GPRASP3: variants seen among roughly 807,000 people sequenced by gnomAD.
GPRASP3 encodes G protein-coupled receptor associated sorting protein family member 3, also known as G protein-coupled receptor associated sorting protein 3.
At chrX:102,736,541 A>G in the GPRASP3 span, among the ~76,000 whole-genome samples, 1 of 111,978 alleles carries the variant, frequency 8.9e-6, no homozygotes, top group African/African-American at 3.2e-5. Context: ...GAAGGCAAAA[A>G]TGGATCCCCA....
At chrX:102,749,499 G>A in the GPRASP3 span, 1 of 1,212,072 alleles carries the variant, frequency 8.3e-7, no homozygotes, top group Non-Finnish European at 1.1e-6. Flanking sequence ...CTGAGGAGGA[G>A]GAGGAAGAGA....
chrX:102,742,094 G>T, the GPRASP3 span, among the ~76,000 whole-genome samples: 6 of 112,062 alleles, frequency 5.4e-5, no homozygotes, highest in Non-Finnish European at 5.6e-5. Context: ...GCTTGCTATT[G>T]CCCTCATCAT....
chrX:102,721,847 C>A, the GPRASP3 span, among the ~76,000 whole-genome samples: 2 of 111,297 alleles, frequency 1.8e-5, no homozygotes, highest in South Asian at 7.7e-4. Flanking sequence ...GGATGTGTTT[C>A]TTTGGTCCCA....
At chrX:102,743,228 G>T in the GPRASP3 span, among the ~76,000 whole-genome samples, 1 of 109,384 alleles carries the variant, frequency 9.1e-6, no homozygotes, top group African/African-American at 3.3e-5. Flanking sequence ...GGAATAGAAT[G>T]GGAGGCAGAT....
At chrX:102,747,584 G>A in the GPRASP3 span, 1 of 111,830 alleles carries the variant, frequency 8.9e-6, no homozygotes, top group Non-Finnish European at 1.9e-5. Context: ...TTTTGGTTCA[G>A]GAAAGGAGCT....
the GPRASP3 span, among the ~76,000 whole-genome samples, chrX:102,735,403 C>CTTTT: frequency 3.2e-5 from 3 of 94,495 alleles, no homozygotes; most frequent in African/African-American, 8.0e-5. Flanking sequence ...CACAGAATCT[C>CTTTT]TTTTTTTTTT....
chrX:102,721,933 C>T, the GPRASP3 span, among the ~76,000 whole-genome samples: 1 of 111,712 alleles, frequency 9.0e-6, no homozygotes, highest in African/African-American at 3.3e-5. Flanking sequence ...ACCCCATGCA[C>T]CCACTGGGTA....
the GPRASP3 span, among the ~76,000 whole-genome samples, chrX:102,731,706 G>GC: frequency 1.9e-3 from 212 of 111,518 alleles, 2 homozygotes; most frequent in African/African-American, 6.8e-3. Context: ...GCAACTTGAA[G>GC]GACAAGCACA....
At chrX:102,730,154 G>T in the GPRASP3 span, among the ~76,000 whole-genome samples, 1 of 112,276 alleles carries the variant, frequency 8.9e-6, no homozygotes, top group Non-Finnish European at 1.9e-5. Context: ...CCATCTTGGG[G>T]TGATGGGAGG....
the GPRASP3 span, among the ~76,000 whole-genome samples, chrX:102,743,123 T>C: frequency 9.0e-6 from 1 of 110,909 alleles, no homozygotes; most frequent in Non-Finnish European, 1.9e-5. Flanking sequence ...CTTTGAGCTC[T>C]GTCTGTCCTT....
chrX:102,728,669 G>A, the GPRASP3 span, among the ~76,000 whole-genome samples: 3 of 103,088 alleles, frequency 2.9e-5, no homozygotes, highest in East Asian at 9.2e-4. Flanking sequence ...CTCCCACCTT[G>A]GACTCCCAAA....
the GPRASP3 span, chrX:102,750,458 C>G: frequency 8.3e-7 from 1 of 1,208,102 alleles, no homozygotes; most frequent in Non-Finnish European, 1.1e-6. Context: ...AAGGCATTGG[C>G]AGCATTAAAA....
the GPRASP3 span, among the ~76,000 whole-genome samples, chrX:102,745,228 G>A: frequency 9.0e-6 from 1 of 111,307 alleles, no homozygotes; most frequent in Non-Finnish European, 1.9e-5. Context: ...ACAGGGAAAG[G>A]CCCTCTTTTG....
At chrX:102,751,002 A>C in the GPRASP3 span, 1 of 140,201 alleles carries the variant, frequency 7.1e-6, no homozygotes, top group African/African-American at 3.2e-5. Context: ...AACAGTACCT[A>C]GAGAGAGAGT....
At chrX:102,743,709 A>G in the GPRASP3 span, among the ~76,000 whole-genome samples, 27 of 103,643 alleles carry the variant, frequency 2.6e-4, 1 homozygote, top group South Asian at 0.012. Context: ...GGGGGAAATC[A>G]TGGGGGTGGC....
chrX:102,750,294 T>C, the GPRASP3 span: 5 of 1,208,028 alleles, frequency 4.1e-6, no homozygotes, highest in African/African-American at 8.7e-5. Flanking sequence ...GACAACTGAC[T>C]ACTGATTTTG....
At chrX:102,721,987 A>G in the GPRASP3 span, among the ~76,000 whole-genome samples, 3 of 111,896 alleles carry the variant, frequency 2.7e-5, no homozygotes, top group Admixed American at 1.9e-4. Flanking sequence ...TACTTCTGGC[A>G]CAGAATGTGT....
the GPRASP3 span, among the ~76,000 whole-genome samples, chrX:102,747,416 G>A: frequency 8.9e-6 from 1 of 111,961 alleles, no homozygotes; most frequent in African/African-American, 3.3e-5. Flanking sequence ...TGTATAAGCA[G>A]GCTGACATAG....
chrX:102,751,980 A>G, the GPRASP3 span: 1 of 79,324 alleles, frequency 1.3e-5, no homozygotes, highest in Non-Finnish European at 2.7e-5. Context: ...ACCATTTATG[A>G]TTTATTCTCC....
Sources: allele counts gnomAD v4.1 joint callset (sites outside exome capture counted in the v4.1 genomes callset), GRCh38; gene constraint gnomAD v4.1.1; transcripts MANE v1.5; gene names NCBI Gene and HGNC (gene_info 2026-07-23, HGNC 2026-07-21).